Variants in CDH13 observed in about 807,000 individuals in gnomAD.
CDH13 encodes cadherin 13.
A neutral mutation model predicts 63.8 loss-of-function variants in CDH13; 24 were observed. The ratio of observed to expected loss-of-function variants is 0.38; its 90% confidence interval spans 0.27 to 0.53. The LOEUF (loss-of-function observed/expected upper bound fraction) is 0.53, where lower values mean the gene tolerates loss of function less well. Among genes scored for constraint, CDH13 ranks in the 20% least tolerant of loss-of-function variants. The pLI is 0.85. For missense variants in CDH13, 1,049 were observed against 903.1 expected (o/e 1.16, Z -2.07); for synonymous variants, 503 against 355.3 (o/e 1.42, Z -4.67).
At chr16:83,716,230 C>G (rs1598563962) in intron 10 of CDH13, among the ~76,000 whole-genome samples, 1 of 152,114 alleles carries the variant, frequency 6.6e-6, no homozygotes, top group African/African-American at 2.4e-5. Context: ...CCCCACCAAA[C>G]TGGGACATTC....
intron 4 of CDH13, among the ~76,000 whole-genome samples, chr16:83,177,450 A>C (rs914571431): frequency 1.3e-5 from 2 of 152,234 alleles, no homozygotes; most frequent in Non-Finnish European, 2.9e-5. Context: ...CTCAGCTATG[A>C]TAGATCATGG....
chr16:83,166,319 G>A (rs1389955269), intron 4 of CDH13, among the ~76,000 whole-genome samples: 1 of 152,064 alleles, frequency 6.6e-6, no homozygotes, highest in Non-Finnish European at 1.5e-5. Flanking sequence ...GGACAGAGCA[G>A]CGGGGAGGAA....
chr16:82,873,890 A>T lies in CDH13; in HGVS notation c.157+15417A>T, dbSNP rs138824754. ...CTGAGACTCTCTTTTAAGTATTTTCATGTTCTAGGGATACTTGTTCTCCCC... is the reference window on the plus strand; with the variant it reads ...CTGAGACTCTCTTTTAAGTATTTTCTTGTTCTAGGGATACTTGTTCTCCCC... On this transcript the variant is annotated intron_variant, in intron 2 of 13. Transcript: ENST00000567109. Among the ~76,000 whole-genome samples the T allele has an allele frequency of 4.2e-3, 638 of 152,118 alleles. 3 individuals carry two copies. The highest frequency in any genetic ancestry group is 0.014 in the African/African-American group (585 of 41,512).
chr16:83,095,260 A>G (rs570551191), intron 3 of CDH13, among the ~76,000 whole-genome samples: 4 of 152,330 alleles, frequency 2.6e-5, no homozygotes, highest in African/African-American at 9.6e-5. Context: ...CACTGTTCCC[A>G]AAACTTTCAC....
chr16:83,480,745 C>G (rs72808335), intron 6 of CDH13, among the ~76,000 whole-genome samples: 28,666 of 152,100 alleles, frequency 0.19, 2,798 homozygotes, highest in Admixed American at 0.25. Context: ...CTATCTGGTT[C>G]TCATTTGGAA....
intron 6 of CDH13, chr16:83,382,937 C>T (rs1351741039): frequency 6.6e-6 from 1 of 152,148 alleles, no homozygotes; most frequent in Non-Finnish European, 1.5e-5. Context: ...AGAGATGATG[C>T]CAGACACCGT....
intron 6 of CDH13, among the ~76,000 whole-genome samples, chr16:83,480,372 C>G (rs550071456): frequency 2.6e-5 from 4 of 152,222 alleles, no homozygotes; most frequent in African/African-American, 9.6e-5. Context: ...GCAGGTGAGG[C>G]CAGGTTTTAA....
intron 6 of CDH13, among the ~76,000 whole-genome samples, chr16:83,404,614 C>G (rs898775410): frequency 5.3e-5 from 8 of 152,194 alleles, no homozygotes; most frequent in Admixed American, 2.6e-4. Context: ...CACACACCCC[C>G]TCACACACAA....
intron 7 of CDH13, among the ~76,000 whole-genome samples, chr16:83,491,195 A>G (rs140935823): frequency 9.8e-5 from 15 of 152,340 alleles, no homozygotes; most frequent in African/African-American, 2.9e-4. Context: ...AACTGCTTTA[A>G]GAAATAGTGT....
intron 3 of CDH13, 71 bp downstream of exon 3, chr16:83,032,289 G>A: frequency 8.5e-7 from 1 of 1,172,094 alleles, no homozygotes; most frequent in African/African-American, 1.5e-5. Context: ...TGTGGAAAAT[G>A]GGTCTTTAAT....
intron 2 of CDH13, among the ~76,000 whole-genome samples, chr16:83,026,668 C>G (rs1260680183): frequency 6.6e-6 from 1 of 152,124 alleles, no homozygotes; most frequent in Non-Finnish European, 1.5e-5. Flanking sequence ...TTAAGCAACC[C>G]TGCTATAGAA....
chr16:83,364,830 G>T (rs1343028030), intron 6 of CDH13, among the ~76,000 whole-genome samples: 1 of 152,168 alleles, frequency 6.6e-6, no homozygotes, highest in Non-Finnish European at 1.5e-5. Flanking sequence ...AACACCACAT[G>T]TTCTCCCTCA....
intron 4 of CDH13, among the ~76,000 whole-genome samples, chr16:83,196,036 A>G (rs1429769710): frequency 6.6e-6 from 1 of 152,168 alleles, no homozygotes; most frequent in Non-Finnish European, 1.5e-5. Flanking sequence ...CAGGCGGATC[A>G]CCTGAGGTCA....
intron 4 of CDH13, among the ~76,000 whole-genome samples, chr16:83,182,222 A>G (rs2038369961): frequency 2.0e-5 from 3 of 152,154 alleles, no homozygotes; most frequent in African/African-American, 7.2e-5. Flanking sequence ...GCCTTACATC[A>G]CCATATTGTC....
At chr16:83,110,046 A>G (rs553718985) in intron 3 of CDH13, among the ~76,000 whole-genome samples, 1 of 152,300 alleles carries the variant, frequency 6.6e-6, no homozygotes, top group Admixed American at 6.5e-5. Context: ...AAACGTGGGG[A>G]AGTTGACATT....
At chr16:83,517,561 GC>G (rs11286746) in intron 7 of CDH13, among the ~76,000 whole-genome samples, 50,669 of 151,992 alleles carry the variant, frequency 0.33, 8,802 homozygotes, top group East Asian at 0.45. Flanking sequence ...CATCCCTTTG[GC>G]TAGAACTAGT....
At chr16:83,172,345 G>C (rs1274860138) in intron 4 of CDH13, among the ~76,000 whole-genome samples, 1 of 151,974 alleles carries the variant, frequency 6.6e-6, no homozygotes, top group Non-Finnish European at 1.5e-5. Context: ...GAAAAATTTA[G>C]CCAGGCGTAG....
chr16:83,237,889 T>C (rs1418063542), intron 5 of CDH13, among the ~76,000 whole-genome samples: 1 of 152,214 alleles, frequency 6.6e-6, no homozygotes, highest in African/African-American at 2.4e-5. Flanking sequence ...TGATAACTTA[T>C]ATATGTCTTA....
intron 5 of CDH13, among the ~76,000 whole-genome samples, chr16:83,249,284 C>T (rs1022878993): frequency 2.0e-5 from 3 of 152,156 alleles, no homozygotes; most frequent in Admixed American, 6.5e-5. Context: ...TTCGTGAGAC[C>T]GTTGTTAATG....
Sources: gnomAD v4.1 joint callset for allele counts (sites outside exome capture counted in the v4.1 genomes callset) on GRCh38, gnomAD v4.1.1 for gene constraint, MANE v1.5 for transcripts, NCBI Gene and HGNC (gene_info 2026-07-23, HGNC 2026-07-21) for gene names.